SLC44A5: variants seen among roughly 807,000 people sequenced by gnomAD.
The protein encoded by SLC44A5 is solute carrier family 44 member 5.
In SLC44A5, 57 loss-of-function variants were observed where a neutral mutation model predicts 101.8. The observed-to-expected ratio is 0.56, with a 90% confidence interval of 0.45 to 0.70. The LOEUF (loss-of-function observed/expected upper bound fraction) is 0.70. Ranked by LOEUF, SLC44A5 falls within the 30% of genes least tolerant of loss-of-function variation. The pLI is 0.00. For missense variants in SLC44A5, 737 were observed against 853.1 expected, an observed-to-expected ratio of 0.86 and a Z score of 1.70; for synonymous variants, 281 against 290.9, an observed-to-expected ratio of 0.97 and a Z score of 0.35.
At chr1:75,358,268 AG>A (rs1659228111) in intron 3 of SLC44A5, among the ~76,000 whole-genome samples, 1 of 152,200 alleles carries the variant, frequency 6.6e-6, no homozygotes, top group African/African-American at 2.4e-5. Flanking sequence ...CATGGGGCAC[AG>A]GGGAAAACTG....
intron 2 of SLC44A5, among the ~76,000 whole-genome samples, chr1:75,497,783 G>T (rs898528328): frequency 6.6e-6 from 1 of 152,024 alleles, no homozygotes; most frequent in African/African-American, 2.4e-5. Flanking sequence ...TTTAAAAAAT[G>T]TTTAATTCCA....
chr1:75,206,842 A>C, intron 23 of SLC44A5: 2 of 605,568 alleles, frequency 3.3e-6, no homozygotes, highest in South Asian at 4.3e-5. Context: ...GTCAAATATA[A>C]GACAAATTAG....
At chr1:75,248,676 C>T (rs1425160622) in intron 7 of SLC44A5, among the ~76,000 whole-genome samples, 1 of 152,044 alleles carries the variant, frequency 6.6e-6, no homozygotes, top group Non-Finnish European at 1.5e-5. Context: ...GGACAACGGT[C>T]TGTAGTATGG....
At chr1:75,700,363 C>T in the SLC44A5 span, among the ~76,000 whole-genome samples, 4 of 151,364 alleles carry the variant, frequency 2.6e-5, no homozygotes, top group African/African-American at 7.3e-5. Context: ...CACTCAAAAC[C>T]GCTCAACTAC....
chr1:75,447,217 G>A (rs187826020), intron 2 of SLC44A5, among the ~76,000 whole-genome samples: 4 of 152,262 alleles, frequency 2.6e-5, no homozygotes, highest in Non-Finnish European at 5.9e-5. Flanking sequence ...GAGTTGAAGT[G>A]TTGGGAGAGA....
chr1:75,644,627 T>C, the SLC44A5 span, among the ~76,000 whole-genome samples: 24 of 112,756 alleles, frequency 2.1e-4, no homozygotes, highest in Admixed American at 1.9e-4. Context: ...TCAATATAAG[T>C]CTTTATATAT....
intron 4 of SLC44A5, among the ~76,000 whole-genome samples, chr1:75,301,135 T>C (rs1267552833): frequency 6.6e-6 from 1 of 152,190 alleles, no homozygotes; most frequent in African/African-American, 2.4e-5. Flanking sequence ...AGATAAAGGA[T>C]TGACTACATT....
the SLC44A5 span, among the ~76,000 whole-genome samples, chr1:75,637,441 A>G: frequency 1.3e-5 from 2 of 152,068 alleles, no homozygotes; most frequent in African/African-American, 2.4e-5. Context: ...TACATTAAGT[A>G]TCTAGAATAG....
At chr1:75,451,918 T>C (rs993694197) in intron 2 of SLC44A5, among the ~76,000 whole-genome samples, 2 of 152,064 alleles carry the variant, frequency 1.3e-5, no homozygotes, top group Non-Finnish European at 2.9e-5. Context: ...GTAAACAACC[T>C]TGAAAACACT....
the SLC44A5 span, among the ~76,000 whole-genome samples, chr1:75,626,413 T>C: frequency 6.6e-6 from 1 of 152,146 alleles, no homozygotes; most frequent in Non-Finnish European, 1.5e-5. Flanking sequence ...TGGTGTTCCA[T>C]TGCTCATAGA....
At chr1:75,690,473 A>G in the SLC44A5 span, among the ~76,000 whole-genome samples, 4 of 152,142 alleles carry the variant, frequency 2.6e-5, no homozygotes, top group Admixed American at 2.6e-4. Flanking sequence ...CTGAGAGGGG[A>G]AAATGAGACA....
chr1:75,456,057 C>T (rs1415671275), intron 2 of SLC44A5, among the ~76,000 whole-genome samples: 3 of 152,138 alleles, frequency 2.0e-5, no homozygotes, highest in East Asian at 3.8e-4. Flanking sequence ...GACACATGTA[C>T]TTCCCTGTTC....
At chr1:75,211,793 T>TCTTCCTTCC (rs1646860066) in intron 22 of SLC44A5, among the ~76,000 whole-genome samples, 1 of 151,212 alleles carries the variant, frequency 6.6e-6, no homozygotes, top group Non-Finnish European at 1.5e-5. Context: ...CTATTTTCTT[T>TCTTCCTTCC]CTTCCTTCCC....
intron 3 of SLC44A5, among the ~76,000 whole-genome samples, chr1:75,363,153 C>CT (rs1407685908): frequency 2.5e-4 from 38 of 152,050 alleles, no homozygotes; most frequent in Non-Finnish European, 2.9e-5. Flanking sequence ...GCATGGATAT[C>CT]TTTTTCTATC....
chr1:75,210,035 A>G (rs1253109489), intron 23 of SLC44A5, among the ~76,000 whole-genome samples: 6 of 144,430 alleles, frequency 4.2e-5, no homozygotes, highest in East Asian at 3.9e-4. Context: ...GTGAGGTACT[A>G]ATATTAAAAA....
intron 2 of SLC44A5, among the ~76,000 whole-genome samples, chr1:75,408,271 A>T (rs572830706): frequency 6.6e-6 from 1 of 152,336 alleles, no homozygotes; most frequent in Admixed American, 6.5e-5. Flanking sequence ...GTGGGAGTGT[A>T]AATTAGTTCA....
chr1:75,296,425 C>T (rs999467977), intron 5 of SLC44A5, among the ~76,000 whole-genome samples: 6 of 151,312 alleles, frequency 4.0e-5, no homozygotes, highest in Non-Finnish European at 7.4e-5. Flanking sequence ...CTCTCAAGAT[C>T]CCCAGAAGCT....
chr1:75,267,662 C>G (rs533768248), intron 6 of SLC44A5, among the ~76,000 whole-genome samples: 151 of 152,238 alleles, frequency 9.9e-4, no homozygotes, highest in African/African-American at 3.5e-3. Flanking sequence ...GCCATCCTCC[C>G]ATCTCAGCCT....
At chr1:75,660,046 T>C in the SLC44A5 span, among the ~76,000 whole-genome samples, 1 of 151,740 alleles carries the variant, frequency 6.6e-6, no homozygotes, top group Non-Finnish European at 1.5e-5. Flanking sequence ...TGTACTAATA[T>C]TACAAAAATT....
Sources: allele counts gnomAD v4.1 joint callset (sites outside exome capture counted in the v4.1 genomes callset), GRCh38; gene constraint gnomAD v4.1.1; transcripts MANE v1.5; gene names NCBI Gene and HGNC (gene_info 2026-07-23, HGNC 2026-07-21).